ABCA10: variants seen among roughly 807,000 people sequenced by gnomAD.
ABCA10 encodes ATP binding cassette subfamily A member 10, also known as ATP-binding cassette sub-family A member 10.
A neutral mutation model predicts 187.5 loss-of-function variants in ABCA10; 169 were observed. The observed-to-expected ratio is 0.90, with a 90% CI of 0.80 to 1.02. The LOEUF (loss-of-function observed/expected upper bound fraction) is 1.02. Among genes scored for constraint, ABCA10 ranks in the 50% least tolerant of loss-of-function variants. The pLI, the probability that ABCA10 is intolerant of heterozygous loss-of-function variation, is 0.00. For missense variants in ABCA10, 1,727 were observed against 1,812.4 expected, an observed-to-expected ratio of 0.95 and a Z score of 0.86; for synonymous variants, 574 against 601.8, an observed-to-expected ratio of 0.95 and a Z score of 0.68.
chr17:69,220,244 G>C (rs1262045660), intron 5 of ABCA10, among the ~76,000 whole-genome samples: 3 of 152,032 alleles, frequency 2.0e-5, no homozygotes, highest in South Asian at 2.1e-4. Context: ...TTGGGGGAGG[G>C]GGGGTGGTTG....
At chr17:69,178,401 C>T (rs1411063346) in intron 22 of ABCA10, among the ~76,000 whole-genome samples, 1 of 152,108 alleles carries the variant, frequency 6.6e-6, no homozygotes, top group African/African-American at 2.4e-5. Context: ...TGGTCCCAGA[C>T]CAGCAGCATC....
intron 37 of ABCA10, 160 bp from the exon 38 acceptor site, chr17:69,149,248 T>C: frequency 1.4e-6 from 1 of 713,968 alleles, no homozygotes; most frequent in Non-Finnish European, 2.2e-6. Context: ...GTGATATGGC[T>C]AATAAAAGAT....
chr17:69,180,636 T>G (rs1305274482), intron 22 of ABCA10, among the ~76,000 whole-genome samples: 1 of 152,186 alleles, frequency 6.6e-6, no homozygotes, highest in Non-Finnish European at 1.5e-5. Context: ...TTACCAGAAC[T>G]AAGTTTTGAT....
chr17:69,210,105 A>ATTATTATTATTC, intron 9 of ABCA10, among the ~76,000 whole-genome samples: 1 of 132,892 alleles, frequency 7.5e-6, no homozygotes, highest in Non-Finnish European at 1.6e-5. Flanking sequence ...TATTATTATT[A>ATTATTATTATTC]TTTCAATAGT....
At chr17:69,185,729 A>G in intron 19 of ABCA10, 86 bp from the exon 20 acceptor site, 28 of 1,120,790 alleles carry the variant, frequency 2.5e-5, no homozygotes, top group Non-Finnish European at 3.4e-5. Context: ...AGTGCTAACT[A>G]TGGAAAGTCC....
At chr17:69,202,632 T>TG (rs1317009134) in intron 9 of ABCA10, among the ~76,000 whole-genome samples, 4 of 152,188 alleles carry the variant, frequency 2.6e-5, no homozygotes, top group African/African-American at 9.6e-5. Flanking sequence ...TATATAAATT[T>TG]TTTTCAACCA....
intron 10 of ABCA10, 50 bp from the exon 11 acceptor site, chr17:69,197,172 T>A: frequency 7.2e-7 from 1 of 1,381,136 alleles, no homozygotes; most frequent in Middle Eastern, 1.8e-4. Context: ...CTAGTATTAA[T>A]AACACAGATT....
chr17:69,196,726 G>A (rs1256704664), intron 11 of ABCA10, among the ~76,000 whole-genome samples: 1 of 152,214 alleles, frequency 6.6e-6, no homozygotes, highest in Non-Finnish European at 1.5e-5. Flanking sequence ...GGGCAACACT[G>A]AGCACTGAGT....
intron 9 of ABCA10, among the ~76,000 whole-genome samples, chr17:69,211,043 G>A (rs1332085339): frequency 6.6e-6 from 1 of 150,478 alleles, no homozygotes; most frequent in Non-Finnish European, 1.5e-5. Context: ...ATGTAAACTT[G>A]TACAACCACT....
At chr17:69,157,661 A>G (rs2074184587) in intron 27 of ABCA10, among the ~76,000 whole-genome samples, 1 of 152,190 alleles carries the variant, frequency 6.6e-6, no homozygotes. Flanking sequence ...TAGTTATCCC[A>G]GAAACAGACT....
chr17:69,183,644 C>T (rs915928051), intron 20 of ABCA10, among the ~76,000 whole-genome samples: 2 of 151,986 alleles, frequency 1.3e-5, no homozygotes, highest in Non-Finnish European at 2.9e-5. Context: ...GGAGCTAAGA[C>T]GAATTTAGAA....
At chr17:69,209,017 G>A (rs1357076974) in intron 9 of ABCA10, among the ~76,000 whole-genome samples, 2 of 152,152 alleles carry the variant, frequency 1.3e-5, no homozygotes, top group African/African-American at 2.4e-5. Flanking sequence ...ACTTCAGCCT[G>A]GGTAGCAGGG....
chr17:69,218,538 T>C (rs973120529), intron 6 of ABCA10, among the ~76,000 whole-genome samples: 2 of 152,104 alleles, frequency 1.3e-5, no homozygotes, highest in African/African-American at 4.8e-5. Context: ...TATTATTAAA[T>C]ATTTATTACT....
At chr17:69,227,101 TTTA>T (rs1305822684) in intron 2 of ABCA10, 41 bp downstream of exon 2, 1 of 110,894 alleles carries the variant, frequency 9.0e-6, no homozygotes, top group Non-Finnish European at 2.1e-5. Context: ...TGGATTTTCA[TTTA>T]TTAATTATGG....
intron 4 of ABCA10, 21 bp downstream of exon 4, chr17:69,222,512 A>C: frequency 6.6e-7 from 1 of 1,503,870 alleles, no homozygotes; most frequent in Non-Finnish European, 8.8e-7. Flanking sequence ...AAAAAATTAT[A>C]ATCAGTTTTT....
At position 69,225,429 on chromosome 17, in the gene ABCA10, C is replaced by T. The variant is rs114755506; in HGVS notation, c.-71G>A. 5.4e-3 allele frequency: 8,323 copies of T among 1,530,928 alleles called. 370 individuals are homozygous for T. In the African/African-American group the frequency reaches 0.098, roughly 18 times the overall value. 94.8% of individuals were successfully genotyped at this position (1,530,928 alleles called of 1,614,324 possible). On this transcript the variant is annotated 5_prime_UTR_variant, in exon 3 of 39. Transcript: ENST00000690296. ...GCCAGAGTCATTAAACTGATCCACGCTTCCCAGGACTTTAGGAGGTTGTTC... is the reference window on the plus strand; with the variant it reads ...GCCAGAGTCATTAAACTGATCCACGTTTCCCAGGACTTTAGGAGGTTGTTC...
At chr17:69,224,688 G>GA (rs34181751) in intron 3 of ABCA10, among the ~76,000 whole-genome samples, 53,824 of 137,188 alleles carry the variant, frequency 0.39, 11,071 homozygotes, top group Middle Eastern at 0.53. Flanking sequence ...AGTCTTATGG[G>GA]AAAAAAAAAA....
intron 27 of ABCA10, among the ~76,000 whole-genome samples, chr17:69,159,014 A>G (rs2074195428): frequency 6.6e-6 from 1 of 152,026 alleles, no homozygotes; most frequent in Non-Finnish European, 1.5e-5. Context: ...GTCTATATCT[A>G]AAAACAAATC....
chr17:69,241,105 A>G (rs993702878), intron 1 of ABCA10, among the ~76,000 whole-genome samples: 14 of 152,198 alleles, frequency 9.2e-5, no homozygotes, highest in African/African-American at 3.4e-4. Context: ...CCTCAAACCT[A>G]AACTTCCACG....
Sources: allele counts gnomAD v4.1 joint callset (sites outside exome capture counted in the v4.1 genomes callset), GRCh38; gene constraint gnomAD v4.1.1; transcripts MANE v1.5; gene names NCBI Gene and HGNC (gene_info 2026-07-23, HGNC 2026-07-21).